Variants in SF3A3 observed in about 807,000 individuals in gnomAD.
SF3A3 encodes splicing factor 3a subunit 3.
SF3A3 carries 9 observed loss-of-function variants against 85.8 expected under a neutral mutation model. That is an observed-to-expected ratio of 0.10 (90% CI 0.06 to 0.18). SF3A3 has a LOEUF of 0.18. Among genes scored for constraint, SF3A3 ranks in the 10% least tolerant of loss-of-function variants. The pLI, the probability that SF3A3 is intolerant of heterozygous loss-of-function variation, is 1.00. For synonymous variants in SF3A3, 195 were observed against 204.4 expected, an observed-to-expected ratio of 0.95 and a Z score of 0.39; for missense variants, 306 against 593.3, an observed-to-expected ratio of 0.52 and a Z score of 5.03.
At chr1:37,958,387 C>G in intron 16 of SF3A3, 124 bp from the exon 17 acceptor site, 1 of 720,096 alleles carries the variant, frequency 1.4e-6, no homozygotes, top group South Asian at 1.6e-5. Context: ...CTAAGATTGG[C>G]ATTCATCTAA....
At chr1:37,974,094 C>A (rs565833056) in intron 12 of SF3A3, among the ~76,000 whole-genome samples, 2 of 151,432 alleles carry the variant, frequency 1.3e-5, no homozygotes, top group African/African-American at 2.4e-5. Context: ...GGTTGGAGGA[C>A]GGGGGAGGGA....
At chr1:37,966,684 C>T (rs184149026) in intron 15 of SF3A3, among the ~76,000 whole-genome samples, 2 of 152,088 alleles carry the variant, frequency 1.3e-5, no homozygotes, top group Non-Finnish European at 2.9e-5. Context: ...CGCCTGTAAT[C>T]GCAGCACTTT....
chr1:37,986,239 C>T (rs902617392), intron 4 of SF3A3, among the ~76,000 whole-genome samples: 2 of 152,130 alleles, frequency 1.3e-5, no homozygotes, highest in African/African-American at 4.8e-5. Context: ...TGAGTCACTG[C>T]ACCTGGCTAC....
chr1:37,978,720 C>T lies in SF3A3; in HGVS notation c.935G>A (p.Arg312Gln). The T allele has an allele frequency of 1.3e-6, 2 of 1,553,196 alleles. No individual in the cohort carries two copies. Among genetic ancestry groups the T allele is most frequent in the African/African-American group, 1.4e-5 (1 of 73,354 alleles). ...CAGCAGTGCTACCCCAGCCACTCAC[C>T]GCTTGGTGCCCTTTGACTTGGGATT... ...AKNPKSKGTK[R>Q]DTERNKDIAF... The change falls in exon 11 of 17, where the codon CGA becomes CAA. Residue 312 changes from arginine (R) to glutamine (Q), a missense_variant and splice_region_variant. Around this residue, in one of 4 missense-constraint regions of SF3A3, gnomAD observed 136 missense variants for 296.6 expected, o/e 0.46. Transcript: ENST00000373019.
At chr1:37,981,963 A>G in intron 6 of SF3A3, 152 bp from the exon 7 acceptor site, 1 of 570,440 alleles carries the variant, frequency 1.8e-6, no homozygotes, top group Non-Finnish European at 3.1e-6. Flanking sequence ...CTTGCCTATC[A>G]TTCAATCCTA....
chr1:37,963,400 TA>T (rs948476305), intron 15 of SF3A3, among the ~76,000 whole-genome samples: 19 of 152,152 alleles, frequency 1.2e-4, no homozygotes, highest in African/African-American at 4.6e-4. Context: ...GTGGTGAACC[TA>T]AAAAGTTCAA....
At position 37,966,095 on chromosome 1, in the gene SF3A3, C is replaced by T. The variant is rs539856325; in HGVS notation, c.1372+1949G>A. Among the ~76,000 whole-genome samples the T allele has an allele frequency of 2.2e-4, 33 of 151,746 alleles. No homozygotes were observed. The East Asian group carries it at 5.3e-3, about 24-fold the overall frequency. The stretch of plus-strand genomic sequence containing the variant: ...GCGAGCGCTTGTAATTCCAGCTACT[C>T]GGGAGGCTGAGGCAGGAGAATCGCT... On this transcript the variant is annotated intron_variant, in intron 15 of 16. Coordinates refer to ENST00000373019, the MANE Select transcript of SF3A3 (RefSeq NM_006802.4).
chr1:37,973,266 C>T (rs766799209), intron 12 of SF3A3, among the ~76,000 whole-genome samples: 28 of 152,200 alleles, frequency 1.8e-4, no homozygotes, highest in Non-Finnish European at 3.5e-4. Flanking sequence ...CTAGGCAATA[C>T]CATTCAGGCC....
intron 6 of SF3A3, 37 bp downstream of exon 6, chr1:37,984,132 G>T: frequency 8.3e-7 from 1 of 1,203,256 alleles, no homozygotes; most frequent in Non-Finnish European, 1.2e-6. Flanking sequence ...GACTCACTTC[G>T]AGAATCAGAA....
chr1:37,986,702 C>T (rs909174620), intron 4 of SF3A3, among the ~76,000 whole-genome samples: 1 of 148,088 alleles, frequency 6.8e-6, no homozygotes, highest in South Asian at 2.2e-4. Context: ...GTCCCAGCTA[C>T]TCAGGAGGCT....
At chr1:37,969,292 T>C (rs2148717999) in intron 14 of SF3A3, 62 bp downstream of exon 14, 1 of 1,273,104 alleles carries the variant, frequency 7.9e-7, no homozygotes, top group Non-Finnish European at 1.1e-6. Flanking sequence ...CTCCTACTCT[T>C]TTCTCTAAAA....
chr1:37,968,193 C>G, intron 14 of SF3A3, 59 bp from the exon 15 acceptor site: 1 of 991,328 alleles, frequency 1.0e-6, no homozygotes, highest in Admixed American at 1.7e-5. Context: ...ACACAGAGCA[C>G]TAACTCCATT....
intron 12 of SF3A3, among the ~76,000 whole-genome samples, chr1:37,976,528 C>T (rs1232817366): frequency 1.3e-5 from 2 of 152,082 alleles, no homozygotes; most frequent in Non-Finnish European, 2.9e-5. Flanking sequence ...AACTGAAAGG[C>T]CACTTTGAGT....
intron 15 of SF3A3, among the ~76,000 whole-genome samples, chr1:37,961,931 C>G (rs1203671671): frequency 6.6e-6 from 1 of 150,738 alleles, no homozygotes; most frequent in Non-Finnish European, 1.5e-5. Flanking sequence ...ACTACAAATA[C>G]AAAATTAGCC....
At chr1:37,979,430 C>G (rs1553165852) in intron 9 of SF3A3, 35 bp downstream of exon 9, 1 of 1,507,396 alleles carries the variant, frequency 6.6e-7, no homozygotes, top group Admixed American at 1.7e-5. Flanking sequence ...GAAAAATAGA[C>G]AGAGAGAACA....
chr1:37,964,869 T>C (rs1376501761), intron 15 of SF3A3, among the ~76,000 whole-genome samples: 1 of 152,142 alleles, frequency 6.6e-6, no homozygotes, highest in African/African-American at 2.4e-5. Context: ...ATATCAGTCA[T>C]TCTCTTAACA....
Position 37,981,722 on chromosome 1 carries a change from T to C in SF3A3, c.551+7A>G, listed in dbSNP as rs61509667. 9,706 of 1,496,772 alleles carry C rather than the reference T, an allele frequency of 6.5e-3. 511 individuals are homozygous for C. In the African/African-American group the frequency reaches 0.12, roughly 18 times the overall value. The allele number at this position is 1,496,772 out of a possible 1,614,324, so 92.7% of individuals were successfully genotyped here. A position where few individuals can be genotyped will look rare whatever the true frequency, so the allele number is the denominator to read the frequency against. ...CCAGGAGAGGCCTAGAAACTATTAA[T>C]GCCTACCTCTTATACTCTGCATTCT... On this transcript the variant is annotated splice_region_variant and intron_variant, in intron 7 of 16. Transcript: ENST00000373019.
At chr1:37,988,797 A>G (rs1266864015) in intron 2 of SF3A3, among the ~76,000 whole-genome samples, 1 of 152,124 alleles carries the variant, frequency 6.6e-6, no homozygotes, top group African/African-American at 2.4e-5. Context: ...AATGCAGTTT[A>G]GTAGTCCAAA....
In SF3A3 at chr1:37,984,122, GACTC is replaced by G. The variant is rs1227092220; in HGVS notation, c.468+43_468+46del. 3.8e-6 allele frequency: 4 copies of G among 1,039,024 alleles called. No individual in the cohort carries two copies. In the African/African-American group the frequency reaches 6.3e-5, roughly 16 times the overall value. The allele number at this position is 1,039,024 out of a possible 1,614,324, so 64.4% of individuals were successfully genotyped here. A position where few individuals can be genotyped will look rare whatever the true frequency, so the allele number is the denominator to read the frequency against. On this transcript the variant is annotated intron_variant, in intron 6 of 16. Coordinates refer to ENST00000373019, the MANE Select transcript of SF3A3 (RefSeq NM_006802.4). ...TCTGCTAGTTCCAGCCTACTGTCCT[GACTC>G]ACTTCGAGAATCAGAACCTCTCTGC... is the stretch of plus-strand genomic sequence containing the variant.
Sources: allele counts gnomAD v4.1 joint callset (sites outside exome capture counted in the v4.1 genomes callset), GRCh38; gene constraint gnomAD v4.1.1; regional missense constraint gnomAD v4.1.1; transcripts MANE v1.5; gene names NCBI Gene and HGNC (gene_info 2026-07-23, HGNC 2026-07-21).